GNA12: variants seen among roughly 807,000 people sequenced by gnomAD.
GNA12 encodes the protein G protein subunit alpha 12, also known as guanine nucleotide-binding protein subunit alpha-12.
A neutral mutation model predicts 26.0 loss-of-function variants in GNA12; 9 were observed. The observed-to-expected ratio is 0.35, with a 90% CI of 0.21 to 0.60. GNA12 has a LOEUF of 0.60. Ranked by LOEUF, GNA12 falls within the 20% of genes least tolerant of loss-of-function variation. The pLI is 0.78. For synonymous variants in GNA12, 264 were observed against 219.6 expected (o/e 1.20, Z -1.79); for missense variants, 405 against 525.8 (o/e 0.77, Z 2.25).
intron 1 of GNA12, among the ~76,000 whole-genome samples, chr7:2,811,309 C>T (rs762264202): frequency 2.6e-5 from 4 of 152,286 alleles, no homozygotes; most frequent in Admixed American, 6.5e-5. Context: ...CAGAGCACAG[C>T]GACTGTGCTG....
At chr7:2,737,558 G>A (rs990789286) in intron 2 of GNA12, among the ~76,000 whole-genome samples, 2 of 152,028 alleles carry the variant, frequency 1.3e-5, no homozygotes, top group Non-Finnish European at 2.9e-5. Flanking sequence ...CAGAGTGCTG[G>A]GATTACAGGC....
At chr7:2,815,108 C>T in intron 1 of GNA12, 2 of 1,022,156 alleles carry the variant, frequency 2.0e-6, no homozygotes, top group Non-Finnish European at 2.8e-6. Flanking sequence ...CAAGGCCTTG[C>T]CCGCATGAGG....
chr7:2,769,961 G>A lies in GNA12; in HGVS notation c.525+24967C>T, dbSNP rs570898883. On this transcript the variant is annotated intron_variant, in intron 2 of 3. Transcript: ENST00000275364. ...TGTTTTTGTTTTTTTAAATCATGGG[G>A]GGGCAAGTACTTTTTCAAAATTGCT... 2.0e-5 allele frequency among the ~76,000 whole-genome samples: 3 copies of A among 152,026 alleles called. No individual in the cohort carries two copies. The South Asian group carries it at 6.3e-4, about 32-fold the overall frequency.
intron 1 of GNA12, among the ~76,000 whole-genome samples, chr7:2,828,525 G>A (rs748463299): frequency 6.6e-6 from 1 of 152,064 alleles, no homozygotes; most frequent in Non-Finnish European, 1.5e-5. Context: ...AGCCGGTATT[G>A]TTATATGGTA....
chr7:2,825,296 C>T (rs1793459056), intron 1 of GNA12, among the ~76,000 whole-genome samples: 1 of 152,138 alleles, frequency 6.6e-6, no homozygotes. Context: ...CCAGGACTTC[C>T]CACTGGCCAA....
chr7:2,843,580 G>C (rs553747073), intron 1 of GNA12, among the ~76,000 whole-genome samples: 3 of 152,110 alleles, frequency 2.0e-5, no homozygotes, highest in Non-Finnish European at 4.4e-5. Context: ...CTGGGAGGTC[G>C]AGGCTGCAGT....
At chr7:2,788,304 C>T (rs141710794) in intron 2 of GNA12, among the ~76,000 whole-genome samples, 1 of 152,206 alleles carries the variant, frequency 6.6e-6, no homozygotes, top group African/African-American at 2.4e-5. Flanking sequence ...CGCCGCACAG[C>T]CTGCCTTGTC....
intron 2 of GNA12, among the ~76,000 whole-genome samples, chr7:2,737,118 G>T (rs1047724171): frequency 2.0e-5 from 3 of 152,146 alleles, no homozygotes; most frequent in African/African-American, 7.2e-5. Context: ...AGGTAACCGT[G>T]GATTGGTCTC....
intron 2 of GNA12, among the ~76,000 whole-genome samples, chr7:2,773,026 C>T (rs182258037): frequency 0.033 from 5,038 of 152,298 alleles, 121 homozygotes; most frequent in Middle Eastern, 0.082. Flanking sequence ...GCCAGCTAAA[C>T]GATTCCATTT....
At position 2,816,620 on chromosome 7, in the gene GNA12, T is replaced by C. The variant is rs74956661; in HGVS notation, c.310-21477A>G. 4.3e-3 allele frequency among the ~76,000 whole-genome samples: 662 copies of C among 152,294 alleles called. 5 individuals are homozygous for C. Among genetic ancestry groups the C allele is most frequent in the African/African-American group, 0.015 (633 of 41,544 alleles). On this transcript the variant is annotated intron_variant, in intron 1 of 3. Coordinates refer to ENST00000275364, the MANE Select transcript of GNA12 (RefSeq NM_007353.3). ...AGTAATATACATATTGATTATGGAC[T>C]CAAAACATGTACAGAACACAAATTG...
intron 2 of GNA12, among the ~76,000 whole-genome samples, chr7:2,749,758 A>G (rs1170470002): frequency 6.6e-6 from 1 of 152,170 alleles, no homozygotes; most frequent in Non-Finnish European, 1.5e-5. Flanking sequence ...CAACATCTGA[A>G]ATTTTAAAAT....
chr7:2,787,949 T>C (rs1044652280), intron 2 of GNA12, among the ~76,000 whole-genome samples: 2 of 151,284 alleles, frequency 1.3e-5, no homozygotes, highest in East Asian at 3.9e-4. Flanking sequence ...AGGTCAAGAG[T>C]TGGAGACCAG....
Position 2,733,138 on chromosome 7 carries a change from G to A in GNA12, c.576+313C>T, listed in dbSNP as rs138911857. ...ATCAGTGATAACTGCCATGCCTGGG[G>A]TTTCATTAGACTATTTGTTTTTGAG... is the stretch of plus-strand genomic sequence containing the variant. On this transcript the variant is annotated intron_variant, in intron 3 of 3. Coordinates refer to ENST00000275364, the MANE Select transcript of GNA12 (RefSeq NM_007353.3). Among the ~76,000 whole-genome samples the A allele has an allele frequency of 4.2e-3, 647 of 152,288 alleles. 6 individuals carry two copies. The highest frequency in any genetic ancestry group is 0.015 in the African/African-American group (619 of 41,550).
At chr7:2,737,960 G>C (rs993329045) in intron 2 of GNA12, among the ~76,000 whole-genome samples, 1 of 152,130 alleles carries the variant, frequency 6.6e-6, no homozygotes, top group Non-Finnish European at 1.5e-5. Flanking sequence ...CTCAGTGAAC[G>C]CCTGTGACAT....
At chr7:2,734,014 C>G (rs1790034039) in intron 2 of GNA12, among the ~76,000 whole-genome samples, 1 of 152,232 alleles carries the variant, frequency 6.6e-6, no homozygotes. Context: ...ATTATTCCTT[C>G]CCACATTTTT....
intron 2 of GNA12, chr7:2,765,096 A>G (rs917104512): frequency 6.6e-6 from 1 of 152,178 alleles, no homozygotes; most frequent in Non-Finnish European, 1.5e-5. Flanking sequence ...TTAATCCTTG[A>G]CATTCATAAT....
intron 2 of GNA12, among the ~76,000 whole-genome samples, chr7:2,766,988 G>C (rs1190172766): frequency 3.9e-5 from 6 of 152,180 alleles, no homozygotes; most frequent in African/African-American, 1.2e-4. Flanking sequence ...CTGACCATCA[G>C]GGATACTGAG....
chr7:2,739,893 G>T (rs191353452), intron 2 of GNA12, among the ~76,000 whole-genome samples: 1 of 152,216 alleles, frequency 6.6e-6, no homozygotes, highest in Non-Finnish European at 1.5e-5. Flanking sequence ...GGCTGGTCTC[G>T]AACTCCTGAC....
At chr7:2,757,160 G>T (rs1263889803) in intron 2 of GNA12, among the ~76,000 whole-genome samples, 1 of 128,148 alleles carries the variant, frequency 7.8e-6, no homozygotes, top group African/African-American at 3.2e-5. Context: ...TTTTGAGACG[G>T]AGTCTTGCTC....
Sources: gnomAD v4.1 joint callset for allele counts (sites outside exome capture counted in the v4.1 genomes callset) on GRCh38, gnomAD v4.1.1 for gene constraint, MANE v1.5 for transcripts, NCBI Gene and HGNC (gene_info 2026-07-23, HGNC 2026-07-21) for gene names.